GRID2: variants seen among roughly 807,000 people sequenced by gnomAD.
GRID2 encodes the protein glutamate ionotropic receptor delta type subunit 2, also known as glutamate receptor ionotropic, delta-2.
A neutral mutation model predicts 114.8 loss-of-function variants in GRID2; 33 were observed. That is an observed-to-expected ratio of 0.29 (90% CI 0.22 to 0.38). GRID2 has a LOEUF of 0.38. Ranked by LOEUF, GRID2 falls within the 10% of genes least tolerant of loss-of-function variation. The pLI is 1.00. For synonymous variants in GRID2, 505 were observed against 449.9 expected (o/e 1.12, Z -1.55); for missense variants, 1,184 against 1,257.7 (o/e 0.94, Z 0.89).
intron 2 of GRID2, among the ~76,000 whole-genome samples, chr4:92,816,555 G>A (rs953443767): frequency 1.3e-5 from 2 of 152,000 alleles, no homozygotes; most frequent in African/African-American, 4.8e-5. Flanking sequence ...GAAGGGAGGA[G>A]TGTTTGCAAA....
At chr4:93,082,074 T>C (rs1270334675) in intron 2 of GRID2, among the ~76,000 whole-genome samples, 1 of 152,196 alleles carries the variant, frequency 6.6e-6, no homozygotes, top group Non-Finnish European at 1.5e-5. Flanking sequence ...TAGGGCCAAA[T>C]GGGCATCAAA....
chr4:92,543,905 G>C (rs1726107214), intron 1 of GRID2, among the ~76,000 whole-genome samples: 1 of 152,166 alleles, frequency 6.6e-6, no homozygotes. Flanking sequence ...AGTGCTTACA[G>C]AGTTTTACCA....
At position 93,071,738 on chromosome 4, in the gene GRID2, G is replaced by A. The variant is rs562084080; in HGVS notation, c.245-13257G>A. 2.0e-3 allele frequency among the ~76,000 whole-genome samples: 300 copies of A among 152,246 alleles called. 2 individuals carry two copies. The highest frequency in any genetic ancestry group is 7.1e-3 in the African/African-American group (295 of 41,564). On this transcript the variant is annotated intron_variant, in intron 2 of 15. Transcript: ENST00000282020. ...AACAGGAGTTTGGGTTATATTCATG[G>A]CCAGGCAGAAGCTTATAAAGGGCCT...
chr4:93,522,581 A>G (rs777435460), intron 13 of GRID2, among the ~76,000 whole-genome samples: 1 of 152,100 alleles, frequency 6.6e-6, no homozygotes, highest in Non-Finnish European at 1.5e-5. Flanking sequence ...AAAAAACATA[A>G]TTATTGTTAT....
At chr4:93,673,678 C>G (rs772609346) in intron 14 of GRID2, among the ~76,000 whole-genome samples, 2 of 152,150 alleles carry the variant, frequency 1.3e-5, no homozygotes, top group Non-Finnish European at 2.9e-5. Context: ...TAAACAAGAG[C>G]CAGACATACA....
intron 1 of GRID2, among the ~76,000 whole-genome samples, chr4:92,347,590 T>G (rs1161836778): frequency 6.6e-6 from 1 of 151,574 alleles, no homozygotes; most frequent in East Asian, 1.9e-4. Context: ...GGTAGAGGAT[T>G]CTATTATATA....
At chr4:93,362,804 C>T (rs1560540166) in intron 8 of GRID2, among the ~76,000 whole-genome samples, 2 of 152,120 alleles carry the variant, frequency 1.3e-5, no homozygotes, top group African/African-American at 2.4e-5. Context: ...TGCCTTTGTG[C>T]CTGTGAATCC....
intron 13 of GRID2, among the ~76,000 whole-genome samples, chr4:93,576,639 A>G (rs936867414): frequency 1.3e-5 from 2 of 152,194 alleles, no homozygotes; most frequent in African/African-American, 4.8e-5. Flanking sequence ...CATGAAGTAC[A>G]TATTGCCCAT....
At chr4:92,676,912 A>G (rs1419655208) in intron 2 of GRID2, among the ~76,000 whole-genome samples, 1 of 152,230 alleles carries the variant, frequency 6.6e-6, no homozygotes, top group Non-Finnish European at 1.5e-5. Context: ...AAAATGTGCT[A>G]TATGCATATA....
At chr4:93,374,638 A>G (rs1244711505) in intron 8 of GRID2, among the ~76,000 whole-genome samples, 1 of 152,138 alleles carries the variant, frequency 6.6e-6, no homozygotes, top group Non-Finnish European at 1.5e-5. Context: ...TCTCCTCCAA[A>G]TGCATCCCTA....
chr4:93,305,739 G>C (rs2149176397), intron 8 of GRID2, among the ~76,000 whole-genome samples: 1 of 152,262 alleles, frequency 6.6e-6, no homozygotes, highest in South Asian at 2.1e-4. Flanking sequence ...GGAGCAGCCA[G>C]CATAATTTCT....
At chr4:93,765,856 C>T (rs887613055) in intron 14 of GRID2, among the ~76,000 whole-genome samples, 6 of 151,698 alleles carry the variant, frequency 4.0e-5, no homozygotes, top group Admixed American at 1.3e-4. Flanking sequence ...CAAGCCTCTC[C>T]GGTGGAATGT....
At chr4:92,465,346 A>C (rs1470438120) in intron 1 of GRID2, among the ~76,000 whole-genome samples, 1 of 152,102 alleles carries the variant, frequency 6.6e-6, no homozygotes, top group African/African-American at 2.4e-5. Flanking sequence ...TAACATTCAT[A>C]ATTGAATTCA....
chr4:92,971,440 G>T (rs541537795), intron 2 of GRID2, among the ~76,000 whole-genome samples: 1 of 151,604 alleles, frequency 6.6e-6, no homozygotes, highest in African/African-American at 2.4e-5. Context: ...TGTAATAATT[G>T]TACATACACA....
intron 2 of GRID2, among the ~76,000 whole-genome samples, chr4:92,775,611 G>T (rs1738755884): frequency 6.6e-6 from 1 of 152,076 alleles, no homozygotes. Flanking sequence ...TCAGGATACT[G>T]CCATGCAAGT....
chr4:92,934,507 T>G, intron 2 of GRID2, among the ~76,000 whole-genome samples: 1 of 146,526 alleles, frequency 6.8e-6, no homozygotes, highest in Non-Finnish European at 1.5e-5. Flanking sequence ...AAGCTACCAA[T>G]GACTTTCTTC....
intron 2 of GRID2, among the ~76,000 whole-genome samples, chr4:93,040,072 G>A (rs372492343): frequency 1.3e-5 from 2 of 152,016 alleles, no homozygotes; most frequent in East Asian, 1.9e-4. Context: ...TTTCTATGTA[G>A]TTTAGATTTA....
chr4:92,615,273 C>A (rs1219829260), intron 2 of GRID2, among the ~76,000 whole-genome samples: 1 of 151,388 alleles, frequency 6.6e-6, no homozygotes, highest in African/African-American at 2.4e-5. Context: ...TCTCTGAGGC[C>A]TTTTCTTCTA....
At chr4:93,052,237 T>C (rs1726787142) in intron 2 of GRID2, among the ~76,000 whole-genome samples, 1 of 151,982 alleles carries the variant, frequency 6.6e-6, no homozygotes, top group South Asian at 2.1e-4. Flanking sequence ...TGGCCAAGTT[T>C]CTCATCTAAG....
Sources: allele counts gnomAD v4.1 joint callset (sites outside exome capture counted in the v4.1 genomes callset), GRCh38; gene constraint gnomAD v4.1.1; transcripts MANE v1.5; gene names NCBI Gene and HGNC (gene_info 2026-07-23, HGNC 2026-07-21).